The following CDH4 variants were observed in gnomAD, a reference collection of about 807,000 sequenced individuals.
The protein encoded by CDH4 is cadherin-4.
A neutral mutation model predicts 86.0 loss-of-function variants in CDH4; 33 were observed. The ratio of observed to expected loss-of-function variants is 0.38; its 90% CI spans 0.29 to 0.51. The LOEUF (loss-of-function observed/expected upper bound fraction) is 0.51, where lower values mean the gene tolerates loss of function less well. CDH4 is among the 20% of genes least tolerant of loss of function. The pLI, the probability that CDH4 is intolerant of heterozygous loss-of-function variation, is 0.86. For synonymous variants in CDH4, 555 were observed against 549.4 expected (o/e 1.01, Z -0.14); for missense variants, 1,114 against 1,307.4 (o/e 0.85, Z 2.28).
intron 2 of CDH4, among the ~76,000 whole-genome samples, chr20:61,571,497 G>GC (rs1207011190): frequency 9.2e-5 from 14 of 152,136 alleles, no homozygotes; most frequent in East Asian, 1.9e-4. Context: ...CACGGCAGGT[G>GC]CCCCACTTTA....
At position 61,680,044 on chromosome 20, in the gene CDH4, C is replaced by T. The variant is rs141821245; in HGVS notation, c.170-63519C>T. Among the ~76,000 whole-genome samples the T allele has an allele frequency of 9.6e-4, 146 of 152,276 alleles. No individual in the cohort carries two copies. The East Asian group carries it at 0.023, about 24-fold the overall frequency. On this transcript the variant is annotated intron_variant, in intron 2 of 15. Transcript: ENST00000614565. Reference sequence around the variant, plus strand: ...CCTGTCCACAGCCTGGGGCACCCGGCGGAGAGGAAAGGGGAAGCAGGAAGC... The same window carrying T: ...CCTGTCCACAGCCTGGGGCACCCGGTGGAGAGGAAAGGGGAAGCAGGAAGC...
chr20:61,575,368 G>A (rs2086374900), intron 2 of CDH4, among the ~76,000 whole-genome samples: 1 of 152,204 alleles, frequency 6.6e-6, no homozygotes, highest in Non-Finnish European at 1.5e-5. Flanking sequence ...GTTACACACA[G>A]CTCCAGTTTT....
At chr20:61,823,483 C>T (rs1981162144) in intron 4 of CDH4, among the ~76,000 whole-genome samples, 4 of 151,982 alleles carry the variant, frequency 2.6e-5, no homozygotes. Context: ...TCCTATGAGT[C>T]ATCTGAATTA....
chr20:61,538,737 C>T (rs1024419761), intron 2 of CDH4, among the ~76,000 whole-genome samples: 3 of 152,234 alleles, frequency 2.0e-5, no homozygotes, highest in Middle Eastern at 3.2e-3. Context: ...CGACTGTCCC[C>T]AGGCCTGGGT....
chr20:61,327,313 A>G (rs915475901), intron 2 of CDH4, among the ~76,000 whole-genome samples: 4 of 152,216 alleles, frequency 2.6e-5, no homozygotes, highest in South Asian at 4.1e-4. Context: ...ATATTTGACA[A>G]TTTTCCTTGA....
chr20:61,769,502 G>A (rs2088749042), intron 3 of CDH4, among the ~76,000 whole-genome samples: 1 of 152,218 alleles, frequency 6.6e-6, no homozygotes, highest in South Asian at 2.1e-4. Flanking sequence ...CCTTCCTGAA[G>A]TCCAGCAAAG....
rs1476882913 is a variant in CDH4, at chr20:61,582,217, A to C, written c.170-161346A>C. Among the ~76,000 whole-genome samples the C allele has an allele frequency of 1.3e-5, 2 of 151,952 alleles. No individual in the cohort carries two copies. Among genetic ancestry groups the C allele is most frequent in the Non-Finnish European group, 2.9e-5 (2 of 67,986 alleles). On this transcript the variant is annotated intron_variant, in intron 2 of 15. Coordinates refer to ENST00000614565, the MANE Select transcript of CDH4 (RefSeq NM_001794.5). This position sits in a 1 kb window ranked among gnomAD's most constrained non-coding sequence, Gnocchi z 4.2. ...GGCCTGACCTCTGCAGCTTCTTCCT[A>C]ATGCCGCCTCCCCACCTCCAATCAC...
chr20:61,929,591 A>C lies in CDH4; in HGVS notation c.2006-18A>C, dbSNP rs897321131. On this transcript the variant is annotated intron_variant, in intron 12 of 15. Transcript: ENST00000614565. ...AGGGCCGGGCTCTGGTTGAATGTTT[A>C]CTGTTGCTTTGCACCAGGTGACTAT... 26 of 1,592,288 alleles carry C rather than the reference A, an allele frequency of 1.6e-5. No individual in the cohort carries two copies. Among genetic ancestry groups the C allele is most frequent in the Non-Finnish European group, 2.2e-5 (26 of 1,160,726 alleles).
chr20:61,662,506 C>G (rs1230757000), intron 2 of CDH4, among the ~76,000 whole-genome samples: 1 of 152,198 alleles, frequency 6.6e-6, no homozygotes, highest in South Asian at 2.1e-4. Flanking sequence ...GAATGAGACT[C>G]GGACTGAAAG....
chr20:61,695,880 C>A (rs1373566774), intron 2 of CDH4, among the ~76,000 whole-genome samples: 1 of 152,218 alleles, frequency 6.6e-6, no homozygotes, highest in African/African-American at 2.4e-5. Flanking sequence ...AGCTACACAG[C>A]AGGAAAGGAT....
intron 2 of CDH4, among the ~76,000 whole-genome samples, chr20:61,382,883 T>C (rs1354439463): frequency 6.6e-6 from 1 of 151,834 alleles, no homozygotes; most frequent in Non-Finnish European, 1.5e-5. Context: ...AAGACCCATT[T>C]TTCCAAATAA....
At position 61,929,679 on chromosome 20, in the gene CDH4, C is replaced by T; in HGVS notation, c.2076C>T (p.Val692=). ...EAGMYDVPII[V]TDSGNPPLSN... ...GGATGTATGACGTCCCCATCATCGT[C>T]ACAGACTCTGGAAACCCTCCCCTGT... The change falls in exon 13 of 16, where the codon GTC becomes GTT. Residue 692 remains valine (V), a synonymous_variant. Coordinates refer to ENST00000614565, the MANE Select transcript of CDH4 (RefSeq NM_001794.5). 8 of 1,614,136 alleles carry T rather than the reference C, an allele frequency of 5.0e-6. No homozygotes were observed. The highest frequency in any genetic ancestry group is 6.8e-6 in the Non-Finnish European group (8 of 1,180,036).
chr20:61,255,679 G>T lies in CDH4; in HGVS notation c.169+742G>T, dbSNP rs568050094. 1.2e-3 allele frequency among the ~76,000 whole-genome samples: 177 copies of T among 152,340 alleles called. 1 individual carries two copies. Among genetic ancestry groups the T allele is most frequent in the African/African-American group, 4.1e-3 (172 of 41,576 alleles). On this transcript the variant is annotated intron_variant, in intron 2 of 15. Coordinates refer to ENST00000614565, the MANE Select transcript of CDH4 (RefSeq NM_001794.5). ...AAAGCGATAGAGGAAGAGGACTTTT[G>T]ATAAAGTATCGAAGCTAAATTTCCA...
intron 4 of CDH4, among the ~76,000 whole-genome samples, chr20:61,774,171 C>T (rs899237579): frequency 5.3e-5 from 8 of 152,252 alleles, no homozygotes; most frequent in Non-Finnish European, 1.2e-4. Flanking sequence ...CCCACCTCAG[C>T]ACCCAGCCTC....
intron 2 of CDH4, among the ~76,000 whole-genome samples, chr20:61,513,710 G>C (rs560097861): frequency 1.6e-4 from 24 of 152,294 alleles, no homozygotes; most frequent in African/African-American, 5.3e-4. Context: ...ACCACAACCT[G>C]TGTCCCAAGG....
At chr20:61,483,764 C>A in intron 2 of CDH4, among the ~76,000 whole-genome samples, 1 of 149,674 alleles carries the variant, frequency 6.7e-6, no homozygotes, top group East Asian at 2.0e-4. Context: ...GTGACTGACA[C>A]CTTCCCAGGT....
intron 2 of CDH4, among the ~76,000 whole-genome samples, chr20:61,592,150 C>G (rs2086523443): frequency 6.6e-6 from 1 of 151,936 alleles, no homozygotes; most frequent in African/African-American, 2.4e-5. Flanking sequence ...GTGCTTTCCC[C>G]CAGCCATTTA....
In CDH4 at chr20:61,717,254, C is replaced by T. The variant is rs535149868; in HGVS notation, c.170-26309C>T. Among the ~76,000 whole-genome samples, 227 of 152,298 alleles carry T rather than the reference C, an allele frequency of 1.5e-3. 2 individuals carry two copies. The highest frequency in any genetic ancestry group is 5.2e-3 in the African/African-American group (218 of 41,560). ...GGGAGCGGGAGCAGCCCAGGACAGC[C>T]ACAGGGCCATGAGCACCATGCCACC... On this transcript the variant is annotated intron_variant, in intron 2 of 15. Coordinates refer to ENST00000614565, the MANE Select transcript of CDH4 (RefSeq NM_001794.5).
At chr20:61,323,790 A>C (rs527481444) in intron 2 of CDH4, among the ~76,000 whole-genome samples, 1 of 152,166 alleles carries the variant, frequency 6.6e-6, no homozygotes, top group Admixed American at 6.5e-5. Flanking sequence ...CCTTTAGTAC[A>C]TGCAAAATGG....
Sources: allele counts gnomAD v4.1 joint callset (sites outside exome capture counted in the v4.1 genomes callset), GRCh38; gene constraint gnomAD v4.1.1; non-coding constraint Gnocchi (gnomAD v3.1); transcripts MANE v1.5; gene names NCBI Gene and HGNC (gene_info 2026-07-23, HGNC 2026-07-21).